GPC6: variants seen among roughly 807,000 people sequenced by gnomAD.
GPC6 encodes glypican 6.
A neutral mutation model predicts 55.2 loss-of-function variants in GPC6; 14 were observed. The ratio of observed to expected loss-of-function variants is 0.25; its 90% confidence interval spans 0.17 to 0.40. GPC6 has a LOEUF of 0.40. Among genes scored for constraint, GPC6 ranks in the 10% least tolerant of loss-of-function variants. The pLI, the probability that GPC6 is intolerant of heterozygous loss-of-function variation, is 1.00. For synonymous variants in GPC6, 278 were observed against 259.6 expected, an observed-to-expected ratio of 1.07 and a Z score of -0.68; for missense variants, 641 against 708.5, an observed-to-expected ratio of 0.90 and a Z score of 1.08.
chr13:93,672,637 CTGATAT>C (rs1881412382), intron 2 of GPC6, among the ~76,000 whole-genome samples: 1 of 144,776 alleles, frequency 6.9e-6, no homozygotes. Context: ...TTCTCAGTGT[CTGATAT>C]ATATATATAT....
chr13:93,291,437 C>G lies in GPC6; in HGVS notation c.160+63821C>G, dbSNP rs116443862. 3.3e-3 allele frequency among the ~76,000 whole-genome samples: 504 copies of G among 152,200 alleles called. 3 individuals carry two copies. Among genetic ancestry groups the G allele is most frequent in the African/African-American group, 0.011 (459 of 41,540 alleles). On this transcript the variant is annotated intron_variant, in intron 1 of 8. Transcript: ENST00000377047. ...CACTGCTACTCAGTGGGTTTCTGAA[C>G]AAAACAAAGAGGCTAAAACTGGGGT...
chr13:93,739,575 G>GCCTGCCACCATGCCTGGCTAAT, intron 2 of GPC6, among the ~76,000 whole-genome samples: 1 of 151,994 alleles, frequency 6.6e-6, no homozygotes, highest in Non-Finnish European at 1.5e-5. Context: ...GACTACAGGC[G>GCCTGCCACCATGCCTGGCTAAT]CCTGCCACCA....
chr13:94,008,497 C>T (rs1169087593), intron 3 of GPC6, among the ~76,000 whole-genome samples: 1 of 152,004 alleles, frequency 6.6e-6, no homozygotes, highest in Non-Finnish European at 1.5e-5. Flanking sequence ...TGTCTCTATA[C>T]AAAAATTAGC....
chr13:94,133,447 GAACA>G (rs1315579451), intron 4 of GPC6, among the ~76,000 whole-genome samples: 7 of 151,828 alleles, frequency 4.6e-5, no homozygotes, highest in African/African-American at 1.5e-4. Flanking sequence ...TAAAAAATCA[GAACA>G]AACAGGGAAT....
At chr13:93,366,484 A>G (rs1881253456) in intron 1 of GPC6, among the ~76,000 whole-genome samples, 1 of 152,056 alleles carries the variant, frequency 6.6e-6, no homozygotes, top group South Asian at 2.1e-4. Context: ...ATTGCAGCTC[A>G]ATTTCCTTTC....
intron 6 of GPC6, among the ~76,000 whole-genome samples, chr13:94,363,353 C>T (rs1156597931): frequency 6.6e-6 from 1 of 152,112 alleles, no homozygotes; most frequent in Admixed American, 6.6e-5. Context: ...TAAACTGAAG[C>T]AATTCTAGAC....
intron 2 of GPC6, among the ~76,000 whole-genome samples, chr13:93,748,992 C>T (rs1036655797): frequency 6.6e-6 from 1 of 151,954 alleles, no homozygotes; most frequent in Non-Finnish European, 1.5e-5. Flanking sequence ...AAATGAGGCT[C>T]TCAGTTGGAT....
intron 1 of GPC6, among the ~76,000 whole-genome samples, chr13:93,361,700 T>G (rs1019752337): frequency 2.6e-5 from 4 of 152,194 alleles, no homozygotes; most frequent in Non-Finnish European, 5.9e-5. Context: ...GTACTTCCTA[T>G]TCTATTATGA....
At chr13:93,876,286 G>T (rs957993139) in intron 3 of GPC6, among the ~76,000 whole-genome samples, 1 of 151,736 alleles carries the variant, frequency 6.6e-6, no homozygotes, top group Admixed American at 6.6e-5. Context: ...CACAAAAAAT[G>T]ACTATAAACT....
chr13:94,373,196 G>A (rs1227924365), intron 6 of GPC6, among the ~76,000 whole-genome samples: 4 of 152,068 alleles, frequency 2.6e-5, no homozygotes, highest in Non-Finnish European at 4.4e-5. Flanking sequence ...CACCAGCAAT[G>A]GAACAAAGCT....
intron 4 of GPC6, among the ~76,000 whole-genome samples, chr13:94,229,904 G>T (rs1364951064): frequency 6.6e-6 from 1 of 152,142 alleles, no homozygotes; most frequent in Non-Finnish European, 1.5e-5. Flanking sequence ...GGATACATTT[G>T]GTGACAGATA....
intron 3 of GPC6, among the ~76,000 whole-genome samples, chr13:93,897,198 T>C (rs1255429075): frequency 6.6e-6 from 1 of 151,888 alleles, no homozygotes; most frequent in East Asian, 1.9e-4. Context: ...TGAAGAAAGG[T>C]TGATTAATGG....
At chr13:93,872,507 G>A (rs1231228817) in intron 3 of GPC6, among the ~76,000 whole-genome samples, 5 of 151,908 alleles carry the variant, frequency 3.3e-5, no homozygotes, top group African/African-American at 1.2e-4. Context: ...CTAAAATCAA[G>A]GTGTTCTCAG....
chr13:93,259,959 T>G (rs1877085061), intron 1 of GPC6, among the ~76,000 whole-genome samples: 1 of 152,230 alleles, frequency 6.6e-6, no homozygotes, highest in East Asian at 1.9e-4. Context: ...AACACATTTT[T>G]GAAGTTCCAG....
intron 1 of GPC6, among the ~76,000 whole-genome samples, chr13:93,451,643 C>A (rs1022124501): frequency 1.3e-5 from 2 of 152,154 alleles, no homozygotes; most frequent in Non-Finnish European, 2.9e-5. Context: ...TATTACAATG[C>A]CTAACATTTA....
At position 94,407,842 on chromosome 13, in the gene GPC6, TCACAAATG is replaced by T. The variant is rs2139239903; in HGVS notation, c.*4627_*4634del. On this transcript the variant is annotated 3_prime_UTR_variant, in exon 9 of 9. Coordinates refer to ENST00000377047, the MANE Select transcript of GPC6 (RefSeq NM_005708.5). ...TTGTATAACCTGCTAAAGATTTATTTCACAAATGCTTATTGAACTCTTATTCTCTATAA... is the reference window on the plus strand; with the variant it reads ...TTGTATAACCTGCTAAAGATTTATTTCTTATTGAACTCTTATTCTCTATAA... 6.6e-6 allele frequency among the ~76,000 whole-genome samples: 1 copy of T among 152,324 alleles called. No individual in the cohort carries two copies. The highest frequency in any genetic ancestry group is 6.5e-5 in the Admixed American group (1 of 15,296).
intron 1 of GPC6, among the ~76,000 whole-genome samples, chr13:93,342,462 A>G (rs1880292533): frequency 1.3e-5 from 2 of 152,140 alleles, no homozygotes; most frequent in Admixed American, 6.6e-5. Context: ...ATGAGATCTC[A>G]TAAGACTTAC....
intron 1 of GPC6, among the ~76,000 whole-genome samples, chr13:93,336,990 T>C (rs1468807458): frequency 2.0e-5 from 3 of 152,208 alleles, no homozygotes; most frequent in Non-Finnish European, 4.4e-5. Flanking sequence ...ATTTAACATG[T>C]TAACTTTTAT....
At chr13:93,348,625 A>G (rs1189785967) in intron 1 of GPC6, among the ~76,000 whole-genome samples, 1 of 152,176 alleles carries the variant, frequency 6.6e-6, no homozygotes, top group Admixed American at 6.5e-5. Context: ...TTTCAGAAAC[A>G]AAAAGCAAAC....
Sources: allele counts gnomAD v4.1 joint callset (sites outside exome capture counted in the v4.1 genomes callset), GRCh38; gene constraint gnomAD v4.1.1; transcripts MANE v1.5; gene names NCBI Gene and HGNC (gene_info 2026-07-23, HGNC 2026-07-21).